The following ACTG2 variants were observed in gnomAD, a reference collection of about 807,000 sequenced individuals.
ACTG2 encodes the protein actin gamma 2, smooth muscle.
In ACTG2, 16 loss-of-function variants were observed where a neutral mutation model predicts 37.6. The ratio of observed to expected loss-of-function variants is 0.43; its 90% CI spans 0.29 to 0.65. ACTG2 has a LOEUF of 0.65. Among genes scored for constraint, ACTG2 ranks in the 30% least tolerant of loss-of-function variants. The pLI, the probability that ACTG2 is intolerant of heterozygous loss-of-function variation, is 0.18. For synonymous variants in ACTG2, 181 were observed against 179.9 expected, an observed-to-expected ratio of 1.01 and a Z score of -0.05; for missense variants, 238 against 490.9, an observed-to-expected ratio of 0.48 and a Z score of 4.87.
At chr2:73,901,973 G>A (rs1364836298) in intron 2 of ACTG2, among the ~76,000 whole-genome samples, 1 of 151,334 alleles carries the variant, frequency 6.6e-6, no homozygotes, top group Non-Finnish European at 1.5e-5. Context: ...CAAAGATTTG[G>A]AGATCTAAGC....
intron 3 of ACTG2, chr2:73,902,888 C>A: frequency 9.6e-7 from 1 of 1,041,164 alleles, no homozygotes; most frequent in Non-Finnish European, 1.4e-6. Context: ...CCGCGATCAT[C>A]TTTTCCTGCA....
In ACTG2 at chr2:73,902,348, T is replaced by C. The variant is rs1558622869; in HGVS notation, c.127-12T>C. On this transcript the variant is annotated splice_polypyrimidine_tract_variant and intron_variant, in intron 2 of 8. Coordinates refer to ENST00000345517, the MANE Select transcript of ACTG2 (RefSeq NM_001615.4). Reference sequence around the variant, plus strand: ...AGCCATTCATTTCTCTTTTCTTCTTTTTGCATTGCAGGGTGTGATGGTGGG... The same window carrying C: ...AGCCATTCATTTCTCTTTTCTTCTTCTTGCATTGCAGGGTGTGATGGTGGG... 1 of 1,613,414 alleles carries C rather than the reference T, an allele frequency of 6.2e-7. No homozygotes were observed.
intron 8 of ACTG2, among the ~76,000 whole-genome samples, chr2:73,917,906 G>A (rs896243586): frequency 3.3e-5 from 5 of 152,116 alleles, no homozygotes; most frequent in East Asian, 1.9e-4. Flanking sequence ...AGTATACCAC[G>A]CCTAGCCTCA....
rs141409214 is a variant in ACTG2 at position 73,918,881 on chromosome 2, G to A, written c.988-551G>A. Among the ~76,000 whole-genome samples, 17 of 152,246 alleles carry A rather than the reference G, an allele frequency of 1.1e-4. No homozygotes were observed. In the East Asian group the frequency reaches 2.9e-3, roughly 26 times the overall value. On this transcript the variant is annotated intron_variant, in intron 8 of 8. Coordinates refer to ENST00000345517, the MANE Select transcript of ACTG2 (RefSeq NM_001615.4). The stretch of plus-strand genomic sequence containing the variant: ...GGTTCCCCTTATAGATATTTGTATT[G>A]GTCAGCTATTGCCAAGTAACAAACA...
intron 1 of ACTG2, among the ~76,000 whole-genome samples, chr2:73,896,191 A>AGGG (rs1169621115): frequency 1.3e-5 from 2 of 152,052 alleles, no homozygotes; most frequent in East Asian, 3.9e-4. Flanking sequence ...TTTTTTTGAA[A>AGGG]TTAGCAGAAT....
At chr2:73,906,749 A>ATTG in intron 3 of ACTG2, among the ~76,000 whole-genome samples, 1 of 152,286 alleles carries the variant, frequency 6.6e-6, no homozygotes, top group Middle Eastern at 3.4e-3. Flanking sequence ...AAGTGCTGGG[A>ATTG]TTACAGGCAT....
At chr2:73,916,448 C>T (rs1181122251) in intron 7 of ACTG2, 136 bp from the exon 8 acceptor site, 1 of 727,826 alleles carries the variant, frequency 1.4e-6, no homozygotes, top group South Asian at 1.9e-5. Context: ...GGGGTATGAT[C>T]TTATAATCCT....
intron 5 of ACTG2, among the ~76,000 whole-genome samples, chr2:73,910,576 G>A (rs975268302): frequency 2.1e-5 from 3 of 145,854 alleles, no homozygotes; most frequent in Non-Finnish European, 4.5e-5. Flanking sequence ...TCAGCTCACT[G>A]CAACCTCCGC....
chr2:73,904,241 C>CCT (rs1679955717), intron 3 of ACTG2, among the ~76,000 whole-genome samples: 1 of 72,840 alleles, frequency 1.4e-5, no homozygotes, highest in Non-Finnish European at 2.4e-5. Flanking sequence ...AGAGTGAGAC[C>CCT]ATGTCTCAAA....
chr2:73,908,714 T>C lies in ACTG2; in HGVS notation c.297T>C (p.Pro99=), dbSNP rs1392338267. The change falls in exon 4 of 9, where the codon CCT becomes CCC. Residue 99 remains proline (P), a synonymous_variant. Transcript: ENST00000345517. ...TCTACAATGAGCTGCGTGTAGCACC[T>C]GAAGAGCACCCCACCCTGCTCACAG... is the stretch of plus-strand genomic sequence containing the variant. ...HSFYNELRVA[P]EEHPTLLTEA... is the part of the protein sequence containing the mutation. 1 of 1,613,468 alleles carries C rather than the reference T, an allele frequency of 6.2e-7. No individual in the cohort carries two copies.
chr2:73,916,610 A>T lies in ACTG2; in HGVS notation c.832A>T (p.Thr278Ser). ...CATGGAGTCCGCTGGAATTCATGAG[A>T]CAACCTACAATTCCATCATGAAGTG... The part of the protein sequence containing the change: ...IGMESAGIHE[T>S]TYNSIMKCDI... The change falls in exon 8 of 9, where the codon ACA becomes TCA. Residue 278 changes from threonine to serine, a missense_variant. By Grantham distance (58) the Thr-to-Ser change is moderately conservative. Transcript: ENST00000345517. 1.2e-6 allele frequency: 2 copies of T among 1,613,984 alleles called. No individual in the cohort carries two copies. The highest frequency in any genetic ancestry group is 2.2e-5 in the South Asian group (2 of 91,050).
chr2:73,914,893 C>T, intron 7 of ACTG2, 22 bp downstream of exon 7: 1 of 1,510,344 alleles, frequency 6.6e-7, no homozygotes, highest in Non-Finnish European at 8.9e-7. Context: ...CCCACAGTCC[C>T]TGCCAATCTC....
chr2:73,902,746 A>C, intron 3 of ACTG2: 3 of 1,550,848 alleles, frequency 1.9e-6, no homozygotes, highest in Non-Finnish European at 1.7e-6. Context: ...CACTGCTGCA[A>C]AACTGATCTT....
In ACTG2 at chr2:73,896,621, T is replaced by G. The variant is rs1028828261; in HGVS notation, c.-37+3570T>G. 2.4e-4 allele frequency: 37 copies of G among 152,268 alleles called. 1 individual carries two copies. The allele number at this position is 152,268 out of a possible 1,614,324, so 9.4% of individuals were successfully genotyped here. On this transcript the variant is annotated intron_variant, in intron 1 of 8. Coordinates refer to ENST00000345517, the MANE Select transcript of ACTG2 (RefSeq NM_001615.4). ...TTTCTAGAGCCAAACTTGTCTCCTT[T>G]GAGGTGCTGGGGAGGGTGGATTTTA...
chr2:73,916,766 G>A lies in ACTG2; in HGVS notation c.987+1G>A, dbSNP rs112986185. 6.2e-6 allele frequency: 10 copies of A among 1,613,148 alleles called. No individual in the cohort carries two copies. The highest frequency in any genetic ancestry group is 8.5e-6 in the Non-Finnish European group (10 of 1,179,558). On this transcript the variant is annotated splice_donor_variant, in intron 8 of 8. Coordinates refer to ENST00000345517, the MANE Select transcript of ACTG2 (RefSeq NM_001615.4). LOFTEE classifies it high-confidence loss of function. ...GGCCCCCAGCACCATGAAGATCAAG[G>A]TGGGTCTTGCCTCAGTTGTCTCCAT...
At chr2:73,910,581 C>T (rs1680111260) in intron 5 of ACTG2, among the ~76,000 whole-genome samples, 1 of 150,628 alleles carries the variant, frequency 6.6e-6, no homozygotes, top group Non-Finnish European at 1.5e-5. Context: ...TCACTGCAAC[C>T]TCCGCCTCCT....
chr2:73,911,266 G>A (rs59316443), intron 5 of ACTG2, among the ~76,000 whole-genome samples: 2,567 of 152,242 alleles, frequency 0.017, 66 homozygotes, highest in African/African-American at 0.059. Flanking sequence ...GGCCGAGGTG[G>A]GTGGATCTCT....
At chr2:73,911,661 G>A (rs10201234) in intron 5 of ACTG2, among the ~76,000 whole-genome samples, 13,136 of 152,168 alleles carry the variant, frequency 0.086, 645 homozygotes, top group Middle Eastern at 0.14. Flanking sequence ...TGAATAAAGC[G>A]TTGCCCTATG....
intron 3 of ACTG2, among the ~76,000 whole-genome samples, chr2:73,906,491 A>T (rs201890975): frequency 9.6e-6 from 1 of 104,052 alleles, no homozygotes; most frequent in Non-Finnish European, 2.3e-5. Context: ...TAAATACATA[A>T]AAATTTTGAG....
Sources: allele counts gnomAD v4.1 joint callset (sites outside exome capture counted in the v4.1 genomes callset), GRCh38; gene constraint gnomAD v4.1.1; transcripts MANE v1.5; gene names NCBI Gene and HGNC (gene_info 2026-07-23, HGNC 2026-07-21).